Variants in RIMBP2 observed in about 807,000 individuals in gnomAD.
RIMBP2 encodes the protein RIMS binding protein 2, also known as RIMS-binding protein 2.
In RIMBP2, 48 loss-of-function variants were observed where a neutral mutation model predicts 118.6. That is an observed-to-expected ratio of 0.40 (90% CI 0.32 to 0.51). RIMBP2 has a LOEUF of 0.51. Ranked by LOEUF, RIMBP2 falls within the 20% of genes least tolerant of loss-of-function variation. The pLI, the probability that RIMBP2 is intolerant of heterozygous loss-of-function variation, is 0.41. For missense variants in RIMBP2, 1,551 were observed against 1,768.3 expected (o/e 0.88, Z 2.20); for synonymous variants, 762 against 742.9 (o/e 1.03, Z -0.42).
At position 130,563,269 on chromosome 12, in the gene RIMBP2, G is replaced by A. The variant is rs548560939; in HGVS notation, c.-216-45352C>T. 2.0e-5 allele frequency among the ~76,000 whole-genome samples: 3 copies of A among 152,238 alleles called. No homozygotes were observed. The South Asian group carries it at 6.2e-4, about 32-fold the overall frequency. ...AAATGAATTACCAGACACTTGAAACGCGTTCTTACGCCCTGCCAAGCCTCT... is the reference window on the plus strand; with the variant it reads ...AAATGAATTACCAGACACTTGAAACACGTTCTTACGCCCTGCCAAGCCTCT... On this transcript the variant is annotated intron_variant, in intron 2 of 22. Coordinates refer to ENST00000690449, the MANE Select transcript of RIMBP2 (RefSeq NM_001393629.1).
At chr12:130,457,732 T>G (rs944903467) in intron 6 of RIMBP2, among the ~76,000 whole-genome samples, 35 of 152,202 alleles carry the variant, frequency 2.3e-4, no homozygotes, top group African/African-American at 8.2e-4. Flanking sequence ...GCTTTCTGGC[T>G]CAAGGACACA....
chr12:130,519,139 T>C (rs1007463594), intron 2 of RIMBP2, among the ~76,000 whole-genome samples: 2 of 152,250 alleles, frequency 1.3e-5, no homozygotes, highest in African/African-American at 4.8e-5. Flanking sequence ...GACACCCACA[T>C]CTTGAATTGA....
intron 2 of RIMBP2, among the ~76,000 whole-genome samples, chr12:130,522,608 G>A (rs1245155535): frequency 6.6e-6 from 1 of 152,220 alleles, no homozygotes; most frequent in Non-Finnish European, 1.5e-5. Context: ...TTCAAGGCGG[G>A]GCGCTGCGTA....
At chr12:130,411,376 C>T (rs1299075419) in intron 19 of RIMBP2, among the ~76,000 whole-genome samples, 1 of 152,066 alleles carries the variant, frequency 6.6e-6, no homozygotes, top group African/African-American at 2.4e-5. Flanking sequence ...TGGTTATGAC[C>T]TCCAGTATGA....
At chr12:130,555,811 G>C (rs2056293401) in intron 2 of RIMBP2, among the ~76,000 whole-genome samples, 2 of 152,208 alleles carry the variant, frequency 1.3e-5, no homozygotes, top group Admixed American at 1.3e-4. Context: ...GATTGTCCGA[G>C]ACCTTGAAAA....
chr12:130,424,998 C>T lies in RIMBP2; in HGVS notation c.2413-140G>A, dbSNP rs962324165. On this transcript the variant is annotated intron_variant, in intron 15 of 22. Transcript: ENST00000690449. This position sits in a 1 kb window ranked among gnomAD's most constrained non-coding sequence, Gnocchi z 9.8. ...GGGGGAAGCATGCGTCTACTCAGGC[C>T]GGGGGCATGCCGTGGAGGGCTCTGC... is the stretch of plus-strand genomic sequence containing the variant. The T allele has an allele frequency of 5.6e-5, 25 of 445,114 alleles. No homozygotes were observed. The highest frequency in any genetic ancestry group is 2.2e-4 in the Admixed American group (5 of 22,558). The allele number at this position is 445,114 out of a possible 1,614,324, so 27.6% of individuals were successfully genotyped here. A position where few individuals can be genotyped will look rare whatever the true frequency, so the allele number is the denominator to read the frequency against.
At chr12:130,713,837 T>G (rs1176724300) in intron 1 of RIMBP2, among the ~76,000 whole-genome samples, 1 of 152,162 alleles carries the variant, frequency 6.6e-6, no homozygotes, top group Non-Finnish European at 1.5e-5. Context: ...GCACTCAGCT[T>G]CATGTATGAC....
In RIMBP2 at chr12:130,511,126, C is replaced by T. The variant is rs1566171667; in HGVS notation, c.-126-4356G>A. Among the ~76,000 whole-genome samples, 1 of 152,000 alleles carries T rather than the reference C, an allele frequency of 6.6e-6. No individual in the cohort carries two copies. The highest frequency in any genetic ancestry group is 1.5e-5 in the Non-Finnish European group (1 of 67,996). On this transcript the variant is annotated intron_variant, in intron 3 of 22. Transcript: ENST00000690449. This position sits in a 1 kb window ranked among gnomAD's most constrained non-coding sequence, Gnocchi z 4.3. The stretch of plus-strand genomic sequence containing the variant: ...GTTATCCAGATGGGCTCTACGTAGT[C>T]ACAGAGCCCTTATCAGGAAAAGCAG...
In RIMBP2 at chr12:130,707,501, G is replaced by GT. The variant is rs149050281; in HGVS notation, c.-352+8720_-352+8721insA. 7.1e-3 allele frequency among the ~76,000 whole-genome samples: 1,081 copies of GT among 152,324 alleles called. 27 individuals are homozygous for GT. The highest frequency in any genetic ancestry group is 0.025 in the African/African-American group (1,034 of 41,560). The stretch of plus-strand genomic sequence containing the variant: ...CAGAGCCCTGAACAACATGATGAGT[G>GT]AGTAGCTGGGAGAAGAGCCTTCCAG... On this transcript the variant is annotated intron_variant, in intron 1 of 22. Transcript: ENST00000690449.
intron 2 of RIMBP2, among the ~76,000 whole-genome samples, chr12:130,539,467 G>A (rs1223257781): frequency 6.6e-6 from 1 of 152,226 alleles, no homozygotes; most frequent in Non-Finnish European, 1.5e-5. Flanking sequence ...TCCAGGCAGA[G>A]GGAGCAGCAC....
At chr12:130,454,041 G>A (rs552079535) in intron 7 of RIMBP2, among the ~76,000 whole-genome samples, 4 of 152,160 alleles carry the variant, frequency 2.6e-5, no homozygotes, top group South Asian at 4.2e-4. Flanking sequence ...GCGACAGAGC[G>A]AGACTCCAAT....
chr12:130,701,556 A>G (rs2065854774), intron 1 of RIMBP2, among the ~76,000 whole-genome samples: 1 of 152,128 alleles, frequency 6.6e-6, no homozygotes, highest in Admixed American at 6.5e-5. Flanking sequence ...CCGCGTCTGA[A>G]CATGGGGTGA....
At chr12:130,482,307 T>C (rs910995613) in intron 4 of RIMBP2, among the ~76,000 whole-genome samples, 52 of 152,330 alleles carry the variant, frequency 3.4e-4, no homozygotes, top group African/African-American at 1.2e-3. Context: ...TTCATCGGAC[T>C]GGATTTATTG....
At chr12:130,579,515 T>G (rs1343563047) in intron 2 of RIMBP2, among the ~76,000 whole-genome samples, 1 of 152,170 alleles carries the variant, frequency 6.6e-6, no homozygotes, top group Non-Finnish European at 1.5e-5. Context: ...CATGCTCTTC[T>G]TCCCTTTGCT....
intron 1 of RIMBP2, among the ~76,000 whole-genome samples, chr12:130,697,824 T>TA (rs991045736): frequency 1.2e-4 from 18 of 152,030 alleles, no homozygotes; most frequent in African/African-American, 2.4e-4. Context: ...CCCATCTCTT[T>TA]AAAAAAACAA....
chr12:130,533,558 G>C (rs1392663281), intron 2 of RIMBP2, among the ~76,000 whole-genome samples: 1 of 152,114 alleles, frequency 6.6e-6, no homozygotes, highest in African/African-American at 2.4e-5. Flanking sequence ...TCCACTACTG[G>C]TATCCACCCA....
Position 130,595,555 on chromosome 12 carries a change from T to TAAC in RIMBP2, c.-217+32766_-217+32767insGTT, listed in dbSNP as rs1415108141. 5.3e-5 allele frequency among the ~76,000 whole-genome samples: 8 copies of TAAC among 151,322 alleles called. No homozygotes were observed. The East Asian group carries it at 1.5e-3, about 29-fold the overall frequency. ...ACAGCGCAAGACTCCGTCTCAAAAA[T>TAAC]AATAATAATAATAATAAAATAAAAA... On this transcript the variant is annotated intron_variant, in intron 2 of 22. Coordinates refer to ENST00000690449, the MANE Select transcript of RIMBP2 (RefSeq NM_001393629.1).
intron 2 of RIMBP2, among the ~76,000 whole-genome samples, chr12:130,565,127 TTTTA>T (rs1246115866): frequency 6.6e-6 from 1 of 152,152 alleles, no homozygotes; most frequent in Non-Finnish European, 1.5e-5. Context: ...ATAATTTTAT[TTTTA>T]TTTATTTTTT....
rs115573603 is a variant in RIMBP2, at chr12:130,686,917, G to A, written c.-352+29305C>T. Reference sequence around the variant, plus strand: ...AGAACAGCGCAAGGCACAGGCGGCTGTTTGCACCAACTCATTTGCCGGCGT... The same window carrying A: ...AGAACAGCGCAAGGCACAGGCGGCTATTTGCACCAACTCATTTGCCGGCGT... On this transcript the variant is annotated intron_variant, in intron 1 of 22. Transcript: ENST00000690449. Among the ~76,000 whole-genome samples, 1,473 of 152,338 alleles carry A rather than the reference G, an allele frequency of 9.7e-3. 25 individuals carry two copies. The highest frequency in any genetic ancestry group is 0.034 in the African/African-American group (1,410 of 41,574).
Sources: allele counts gnomAD v4.1 joint callset (sites outside exome capture counted in the v4.1 genomes callset), GRCh38; gene constraint gnomAD v4.1.1; non-coding constraint Gnocchi (gnomAD v3.1); transcripts MANE v1.5; gene names NCBI Gene and HGNC (gene_info 2026-07-23, HGNC 2026-07-21).